The following KAZN variants were observed in gnomAD, a reference collection of about 807,000 sequenced individuals.
The protein encoded by KAZN is kazrin, periplakin interacting protein.
A neutral mutation model predicts 87.4 loss-of-function variants in KAZN; 40 were observed. That is an observed-to-expected ratio of 0.46 (90% CI 0.36 to 0.60). The LOEUF is 0.60. Among genes scored for constraint, KAZN ranks in the 20% least tolerant of loss-of-function variants. The pLI is 0.00. For missense variants in KAZN, 898 were observed against 1,073.9 expected (o/e 0.84, Z 2.29); for synonymous variants, 466 against 458.3 (o/e 1.02, Z -0.22).
At chr1:15,087,065 G>T (rs1188016301) in intron 8 of KAZN, among the ~76,000 whole-genome samples, 1 of 152,230 alleles carries the variant, frequency 6.6e-6, no homozygotes, top group Non-Finnish European at 1.5e-5. Context: ...AAAATCAGAA[G>T]CAGAGAAAGC....
At chr1:14,812,509 G>A (rs1317439302) in intron 1 of KAZN, among the ~76,000 whole-genome samples, 2 of 152,100 alleles carry the variant, frequency 1.3e-5, no homozygotes, top group Non-Finnish European at 2.9e-5. Context: ...TTCAAGCCTG[G>A]TGGGAATTTT....
chr1:14,209,832 A>G (rs1646816542), intron 2 of KAZN, among the ~76,000 whole-genome samples: 2 of 152,154 alleles, frequency 1.3e-5, no homozygotes, highest in Admixed American at 6.5e-5. Context: ...AATGATGACA[A>G]TCTGGACATC....
In KAZN at chr1:14,599,226, A is replaced by G. The variant is rs1676750386; in HGVS notation, c.226+3A>G. On this transcript the variant is annotated splice_donor_region_variant and intron_variant, in intron 1 of 14. Coordinates refer to ENST00000376030, the MANE Select transcript of KAZN (RefSeq NM_201628.3). The surrounding 1 kb of genome is among the most constrained non-coding windows in gnomAD (Gnocchi z 4.4). ...GAACCCCCAGCTTGGAGCGCAAGGTAGGATCGCCCCGGCGCCCAGGGCGGA... is the reference window on the plus strand; with the variant it reads ...GAACCCCCAGCTTGGAGCGCAAGGTGGGATCGCCCCGGCGCCCAGGGCGGA... The G allele has an allele frequency of 7.3e-7, 1 of 1,377,990 alleles. No individual in the cohort carries two copies. The highest frequency in any genetic ancestry group is 9.4e-7 in the Non-Finnish European group (1 of 1,069,174). 85.4% of individuals were successfully genotyped at this position (1,377,990 alleles called of 1,614,324 possible). A position where few individuals can be genotyped will look rare whatever the true frequency, so the allele number is the denominator to read the frequency against.
At chr1:14,328,748 G>GAAAA (rs3084955) in intron 2 of KAZN, among the ~76,000 whole-genome samples, 1 of 55,938 alleles carries the variant, frequency 1.8e-5, no homozygotes, top group African/African-American at 6.2e-5. Context: ...ATCCCTAACT[G>GAAAA]AAAAAAAAAA....
At chr1:14,334,728 G>A (rs1468402840) in intron 2 of KAZN, among the ~76,000 whole-genome samples, 5 of 152,350 alleles carry the variant, frequency 3.3e-5, no homozygotes, top group South Asian at 4.1e-4. Flanking sequence ...TCAGGTGACT[G>A]TTGGCAGAAG....
intron 2 of KAZN, among the ~76,000 whole-genome samples, chr1:14,326,991 A>G (rs1370633731): frequency 6.6e-6 from 1 of 152,156 alleles, no homozygotes; most frequent in Non-Finnish European, 1.5e-5. Flanking sequence ...CCTATCCAAC[A>G]TCAGCTCTAT....
At chr1:14,231,162 G>T (rs1023206655) in intron 2 of KAZN, among the ~76,000 whole-genome samples, 1 of 152,100 alleles carries the variant, frequency 6.6e-6, no homozygotes, top group Admixed American at 6.6e-5. Flanking sequence ...TTCTTATTTG[G>T]TTCTTATTAG....
chr1:14,500,572 A>G (rs919850241), intron 2 of KAZN, among the ~76,000 whole-genome samples: 2 of 151,894 alleles, frequency 1.3e-5, no homozygotes, highest in African/African-American at 4.8e-5. Context: ...ACTCCAAGCA[A>G]GCAGAAGGAA....
At chr1:14,947,362 C>A (rs1661942316) in intron 1 of KAZN, among the ~76,000 whole-genome samples, 1 of 152,196 alleles carries the variant, frequency 6.6e-6, no homozygotes, top group South Asian at 2.1e-4. Flanking sequence ...CCACCCGGGG[C>A]TTGCTGTCCC....
chr1:14,301,299 G>A (rs530223461), intron 2 of KAZN, among the ~76,000 whole-genome samples: 1 of 152,334 alleles, frequency 6.6e-6, no homozygotes, highest in Non-Finnish European at 1.5e-5. Flanking sequence ...AGGAGAGTTT[G>A]ATCCTGACTG....
chr1:14,227,349 C>T (rs2100525741), intron 2 of KAZN, among the ~76,000 whole-genome samples: 1 of 152,224 alleles, frequency 6.6e-6, no homozygotes, highest in South Asian at 2.1e-4. Context: ...CCCGTGATGT[C>T]TGGGGCCTCT....
chr1:14,936,397 C>A (rs1660461429), intron 1 of KAZN, among the ~76,000 whole-genome samples: 2 of 152,160 alleles, frequency 1.3e-5, no homozygotes, highest in Non-Finnish European at 2.9e-5. Context: ...CCTGGGGCGA[C>A]CAAATTGTCC....
intron 1 of KAZN, among the ~76,000 whole-genome samples, chr1:14,797,314 G>T (rs1173918978): frequency 6.6e-6 from 1 of 152,126 alleles, no homozygotes; most frequent in Admixed American, 6.5e-5. Context: ...GCCTGCCTCT[G>T]CCTCCCAAAG....
intron 1 of KAZN, among the ~76,000 whole-genome samples, chr1:13,903,812 A>G (rs1186709793): frequency 1.3e-5 from 2 of 152,114 alleles, no homozygotes; most frequent in African/African-American, 4.8e-5. Flanking sequence ...AGCAGCTCTA[A>G]GAGGGTGGTG....
intron 1 of KAZN, among the ~76,000 whole-genome samples, chr1:14,149,085 T>G (rs946763546): frequency 5.1e-5 from 6 of 116,626 alleles, no homozygotes; most frequent in Admixed American, 1.0e-4. Flanking sequence ...CTTCCTTCCT[T>G]CCTTCCTTTC....
At chr1:14,056,652 C>T (rs1171306902) in intron 1 of KAZN, among the ~76,000 whole-genome samples, 1 of 152,088 alleles carries the variant, frequency 6.6e-6, no homozygotes, top group African/African-American at 2.4e-5. Context: ...ATAAGGAGAC[C>T]GAAGTTCAGA....
chr1:13,954,258 A>G (rs552416510), intron 1 of KAZN, among the ~76,000 whole-genome samples: 8 of 152,322 alleles, frequency 5.3e-5, no homozygotes. Flanking sequence ...AACAAACAAA[A>G]AAACCAACAA....
At chr1:14,287,680 CTT>C (rs1653360109) in intron 2 of KAZN, among the ~76,000 whole-genome samples, 1 of 152,180 alleles carries the variant, frequency 6.6e-6, no homozygotes. Context: ...ATTTCTTTCT[CTT>C]GCTGATTGCC....
chr1:14,173,279 A>G (rs140027283), intron 1 of KAZN, among the ~76,000 whole-genome samples: 1 of 152,304 alleles, frequency 6.6e-6, no homozygotes, highest in African/African-American at 2.4e-5. Context: ...AAATGATAGA[A>G]ACCTAACTCA....
Sources: allele counts gnomAD v4.1 joint callset (sites outside exome capture counted in the v4.1 genomes callset), GRCh38; gene constraint gnomAD v4.1.1; non-coding constraint Gnocchi (gnomAD v3.1); transcripts MANE v1.5; gene names NCBI Gene and HGNC (gene_info 2026-07-23, HGNC 2026-07-21).